Variants in LTBP1 observed in about 807,000 individuals in gnomAD.
LTBP1 encodes latent transforming growth factor beta binding protein 1.
Under a neutral mutation model 207.6 loss-of-function variants are expected in LTBP1, and 129 were observed. The observed-to-expected ratio is 0.62, with a 90% CI of 0.54 to 0.72. The LOEUF (loss-of-function observed/expected upper bound fraction) is 0.72. Among genes scored for constraint, LTBP1 ranks in the 30% least tolerant of loss-of-function variants. LTBP1 has a pLI of 0.00. For missense variants in LTBP1, 2,281 were observed against 2,217.2 expected, an observed-to-expected ratio of 1.03 and a Z score of -0.58; for synonymous variants, 963 against 833.7, an observed-to-expected ratio of 1.16 and a Z score of -2.67.
At chr2:33,273,078 A>G (rs1439091875) in intron 15 of LTBP1, among the ~76,000 whole-genome samples, 3 of 152,340 alleles carry the variant, frequency 2.0e-5, no homozygotes, top group African/African-American at 4.8e-5. Flanking sequence ...GAAATAAAAT[A>G]TGTTCATTTT....
intron 7 of LTBP1, among the ~76,000 whole-genome samples, chr2:33,213,672 G>C (rs1176394208): frequency 2.0e-5 from 3 of 152,196 alleles, no homozygotes; most frequent in Non-Finnish European, 4.4e-5. Context: ...AGATCTCTCA[G>C]ATGGAGTTTC....
At chr2:33,192,537 A>G (rs2088016491) in intron 7 of LTBP1, among the ~76,000 whole-genome samples, 2 of 151,850 alleles carry the variant, frequency 1.3e-5, no homozygotes, top group South Asian at 4.2e-4. Context: ...AAAAAAAATC[A>G]GAGTATAAAA....
chr2:33,087,700 A>G (rs773181336), intron 3 of LTBP1, among the ~76,000 whole-genome samples: 1 of 152,230 alleles, frequency 6.6e-6, no homozygotes, highest in Non-Finnish European at 1.5e-5. Context: ...AAAGCTGACC[A>G]GAAATATAAG....
intron 4 of LTBP1, among the ~76,000 whole-genome samples, chr2:33,114,965 T>C (rs1183984164): frequency 1.3e-5 from 2 of 151,944 alleles, no homozygotes; most frequent in South Asian, 2.1e-4. Flanking sequence ...GCAACATTAT[T>C]TGTAATAGCC....
intron 5 of LTBP1, among the ~76,000 whole-genome samples, chr2:33,143,380 A>G (rs1226980568): frequency 6.6e-6 from 1 of 152,168 alleles, no homozygotes; most frequent in African/African-American, 2.4e-5. Context: ...TTTGTTGACA[A>G]TAAATTGTTT....
intron 2 of LTBP1, among the ~76,000 whole-genome samples, chr2:33,010,534 A>G (rs1168017739): frequency 1.3e-5 from 2 of 152,198 alleles, no homozygotes; most frequent in Admixed American, 6.5e-5. Context: ...AATGTTCCCA[A>G]CACATAGAAA....
intron 9 of LTBP1, among the ~76,000 whole-genome samples, chr2:33,231,216 AG>A (rs988945846): frequency 6.6e-6 from 1 of 152,366 alleles, no homozygotes; most frequent in African/African-American, 2.4e-5. Flanking sequence ...AGCCCGTTAA[AG>A]GAAATAGGAA....
intron 2 of LTBP1, among the ~76,000 whole-genome samples, chr2:32,966,497 G>A (rs1680024159): frequency 6.6e-6 from 1 of 152,142 alleles, no homozygotes. Flanking sequence ...TCACCATTAA[G>A]TATGGTGTTA....
In LTBP1 at chr2:32,947,697, C is replaced by T; in HGVS notation, c.373C>T (p.His125Tyr). 6.6e-7 allele frequency: 1 copy of T among 1,517,820 alleles called. No individual in the cohort carries two copies. Among genetic ancestry groups the T allele is most frequent in the Non-Finnish European group, 8.8e-7 (1 of 1,133,210 alleles). The allele number at this position is 1,517,820 out of a possible 1,614,324, so 94.0% of individuals were successfully genotyped here. A position where few individuals can be genotyped will look rare whatever the true frequency, so the allele number is the denominator to read the frequency against. Residue 125 changes from histidine to tyrosine, a missense_variant, in exon 1 of 34, where the codon CAC becomes TAC. Transcript: ENST00000404816. ...GCAGCTCCACCCCAATCCCGGCGGCCACCCGGCAGCCGCCCCGTTCACCAA... is the reference window on the plus strand; with the variant it reads ...GCAGCTCCACCCCAATCCCGGCGGCTACCCGGCAGCCGCCCCGTTCACCAA... ...GGQLHPNPGG[H>Y]PAAAPFTKQG...
intron 2 of LTBP1, among the ~76,000 whole-genome samples, chr2:33,017,583 T>C (rs1028300061): frequency 6.6e-6 from 1 of 152,176 alleles, no homozygotes; most frequent in Non-Finnish European, 1.5e-5. Flanking sequence ...AGGGGCTTGA[T>C]AAATGTGATA....
intron 5 of LTBP1, among the ~76,000 whole-genome samples, chr2:33,185,335 C>T (rs567429110): frequency 1.2e-4 from 19 of 152,186 alleles, no homozygotes; most frequent in Admixed American, 7.9e-4. Flanking sequence ...TCTTAAAGAT[C>T]GCTTGGTGGA....
intron 24 of LTBP1, among the ~76,000 whole-genome samples, chr2:33,328,304 A>G (rs2094454383): frequency 6.6e-6 from 1 of 152,034 alleles, no homozygotes; most frequent in Admixed American, 6.6e-5. Flanking sequence ...CCACCCTCAT[A>G]TCCAATACTC....
chr2:33,386,705 G>T (rs1000644127), intron 31 of LTBP1, among the ~76,000 whole-genome samples: 9 of 151,994 alleles, frequency 5.9e-5, no homozygotes, highest in African/African-American at 2.2e-4. Context: ...CATGCCTGTA[G>T]TTCCAACTAC....
At chr2:33,295,356 G>A (rs567841948) in intron 20 of LTBP1, among the ~76,000 whole-genome samples, 47 of 152,074 alleles carry the variant, frequency 3.1e-4, no homozygotes, top group African/African-American at 1.1e-3. Context: ...GTGAAACCCT[G>A]TCTCTACTAA....
chr2:33,106,797 T>G (rs1162236350), intron 3 of LTBP1, among the ~76,000 whole-genome samples: 1 of 152,200 alleles, frequency 6.6e-6, no homozygotes, highest in African/African-American at 2.4e-5. Context: ...GGCTTCAACT[T>G]AAAGTCATCA....
At chr2:33,342,521 T>C (rs2094640938) in intron 24 of LTBP1, among the ~76,000 whole-genome samples, 1 of 152,224 alleles carries the variant, frequency 6.6e-6, no homozygotes, top group Non-Finnish European at 1.5e-5. Flanking sequence ...TAAGGTCCCT[T>C]GGAAATAAAG....
chr2:33,107,110 A>C (rs143721855), intron 3 of LTBP1, among the ~76,000 whole-genome samples: 11 of 152,360 alleles, frequency 7.2e-5, no homozygotes, highest in African/African-American at 2.6e-4. Flanking sequence ...CATGAAATAC[A>C]TGTAGTGGCT....
At chr2:33,117,581 A>G (rs2080823740) in intron 4 of LTBP1, among the ~76,000 whole-genome samples, 1 of 152,232 alleles carries the variant, frequency 6.6e-6, no homozygotes, top group Non-Finnish European at 1.5e-5. Context: ...GCTGAATGTT[A>G]GGAGATAGGC....
chr2:33,162,949 G>A (rs74662398), intron 5 of LTBP1, among the ~76,000 whole-genome samples: 2,552 of 152,226 alleles, frequency 0.017, 35 homozygotes, highest in Non-Finnish European at 0.028. Context: ...GTTCCTTTTA[G>A]ATCTGAGAAA....
Sources: allele counts gnomAD v4.1 joint callset (sites outside exome capture counted in the v4.1 genomes callset), GRCh38; gene constraint gnomAD v4.1.1; transcripts MANE v1.5; gene names NCBI Gene and HGNC (gene_info 2026-07-23, HGNC 2026-07-21).